The following ACSBG1 variants were observed in gnomAD, a reference collection of about 807,000 sequenced individuals.
ACSBG1 encodes acyl-CoA synthetase bubblegum family member 1.
ACSBG1 carries 39 observed loss-of-function variants against 80.2 expected under a neutral mutation model. The observed-to-expected ratio is 0.49, with a 90% confidence interval of 0.38 to 0.64. ACSBG1 has a LOEUF of 0.64. Among genes scored for constraint, ACSBG1 ranks in the 30% least tolerant of loss-of-function variants. ACSBG1 has a pLI of 0.00. For synonymous variants in ACSBG1, 392 were observed against 379.5 expected, an observed-to-expected ratio of 1.03 and a Z score of -0.38; for missense variants, 828 against 966.4, an observed-to-expected ratio of 0.86 and a Z score of 1.90.
intron 1 of ACSBG1, among the ~76,000 whole-genome samples, chr15:78,222,820 C>T (rs1453002554): frequency 6.6e-6 from 1 of 151,774 alleles, no homozygotes; most frequent in Non-Finnish European, 1.5e-5. Flanking sequence ...TTTTAAAGTA[C>T]TGAAATAAGT....
At chr15:78,215,724 G>GAAAGAGAA (rs942679171) in intron 1 of ACSBG1, among the ~76,000 whole-genome samples, 1 of 116,554 alleles carries the variant, frequency 8.6e-6, no homozygotes, top group Non-Finnish European at 1.8e-5. Context: ...AAGAAAGAAA[G>GAAAGAGAA]AGAAAGAAAG....
At chr15:78,226,647 G>T in intron 1 of ACSBG1, 1 of 189,224 alleles carries the variant, frequency 5.3e-6, no homozygotes, top group South Asian at 8.2e-5. Flanking sequence ...ATAGAATGAA[G>T]ACAGCATGAT....
chr15:78,187,453 G>A (rs1288001270), intron 5 of ACSBG1, among the ~76,000 whole-genome samples: 1 of 152,128 alleles, frequency 6.6e-6, no homozygotes, highest in African/African-American at 2.4e-5. Context: ...AAATCCAGCA[G>A]CACATCAAAA....
intron 1 of ACSBG1, among the ~76,000 whole-genome samples, chr15:78,229,931 C>G (rs945310118): frequency 6.6e-6 from 1 of 152,166 alleles, no homozygotes; most frequent in Non-Finnish European, 1.5e-5. Context: ...CATGGCCACC[C>G]GTAACATCTT....
chr15:78,224,707 C>T lies in ACSBG1; in HGVS notation c.131+9664G>A, dbSNP rs570994208. On this transcript the variant is annotated intron_variant, in intron 1 of 13. Transcript: ENST00000258873. ...CTGCACTCCAGCCTGGGCGACAGAG[C>T]GAGACTCCGCCTCAAAAAAAAAAGA... is the stretch of plus-strand genomic sequence containing the variant. Among the ~76,000 whole-genome samples, 31 of 149,876 alleles carry T rather than the reference C, an allele frequency of 2.1e-4. No individual in the cohort carries two copies. In the East Asian group the frequency reaches 3.5e-3, roughly 17 times the overall value.
At position 78,178,551 on chromosome 15, in the gene ACSBG1, C is replaced by T; in HGVS notation, c.1702+63G>A. The T allele has an allele frequency of 6.5e-7, 1 of 1,531,032 alleles. No individual in the cohort carries two copies. The highest frequency in any genetic ancestry group is 8.8e-7 in the Non-Finnish European group (1 of 1,140,516). The allele number at this position is 1,531,032 out of a possible 1,614,324, so 94.8% of individuals were successfully genotyped here. On this transcript the variant is annotated intron_variant, in intron 11 of 13. Coordinates refer to ENST00000258873, the MANE Select transcript of ACSBG1 (RefSeq NM_015162.5). This position sits in a 1 kb window ranked among gnomAD's most constrained non-coding sequence, Gnocchi z 4.3. ...TCCTGAGCTCAGACAATCTGCCCGC[C>T]TTGGCCTCCCAAAGTGCTGGGATTA...
At chr15:78,184,901 C>A (rs1315147938) in intron 5 of ACSBG1, among the ~76,000 whole-genome samples, 1 of 152,164 alleles carries the variant, frequency 6.6e-6, no homozygotes, top group African/African-American at 2.4e-5. Context: ...CTACAGACAG[C>A]TCAGGACTGA....
At position 78,179,627 on chromosome 15, in the gene ACSBG1, G is replaced by A; in HGVS notation, c.1407C>T (p.Arg469=). The A allele has an allele frequency of 7.4e-6, 12 of 1,614,204 alleles. No homozygotes were observed. Among genetic ancestry groups the A allele is most frequent in the Non-Finnish European group, 1.0e-5 (12 of 1,180,034 alleles). Reference sequence around the variant, plus strand: ...CACTGAGGCCGTAGCCCGCATACAAGCGGATGTTGAGACCCAGGAAGAAGT... The same window carrying A: ...CACTGAGGCCGTAGCCCGCATACAAACGGATGTTGAGACCCAGGAAGAAGT... The part of the protein sequence containing the change: ...TQHFFLGLNI[R]LYAGYGLSET... The change falls in exon 10 of 14, where the codon CGC becomes CGT. Residue 469 remains arginine, a synonymous_variant. Coordinates refer to ENST00000258873, the MANE Select transcript of ACSBG1 (RefSeq NM_015162.5).
chr15:78,199,556 A>T (rs916715404), intron 2 of ACSBG1, among the ~76,000 whole-genome samples: 4 of 152,022 alleles, frequency 2.6e-5, no homozygotes, highest in African/African-American at 4.8e-5. Flanking sequence ...ACAAAAATTT[A>T]TCCAGGTGTG....
chr15:78,194,669 C>G lies in ACSBG1; in HGVS notation c.290G>C (p.Ser97Thr), dbSNP rs906930753. 6.2e-7 allele frequency: 1 copy of G among 1,614,078 alleles called. No homozygotes were observed. Among genetic ancestry groups the G allele is most frequent in the Non-Finnish European group, 8.5e-7 (1 of 1,180,004 alleles). Residue 97 changes from serine to threonine, a missense_variant, in exon 3 of 14, where the codon AGC becomes ACC. Around this residue, in one of 3 missense-constraint regions of ACSBG1, gnomAD observed 356 missense variants for 363.5 expected, o/e 0.98. Coordinates refer to ENST00000258873, the MANE Select transcript of ACSBG1 (RefSeq NM_015162.5). ...CACAGTGTAGGGAAGCTGTGGGCAG[C>G]TGGGGTCTATGCGCAGGCGCACCCG... ...DGRVRLRIDP[S>T]CPQLPYTVHR...
intron 1 of ACSBG1, among the ~76,000 whole-genome samples, chr15:78,229,219 G>C (rs1259189953): frequency 6.6e-6 from 1 of 152,108 alleles, no homozygotes; most frequent in Non-Finnish European, 1.5e-5. Context: ...TCAGTGCTTA[G>C]CGCAATGCCT....
chr15:78,174,358 T>C, intron 12 of ACSBG1, 27 bp downstream of exon 12: 1 of 1,614,094 alleles, frequency 6.2e-7, no homozygotes, highest in Non-Finnish European at 8.5e-7. Context: ...TGGCTGCTCC[T>C]TCTGAGCTGG....
intron 1 of ACSBG1, among the ~76,000 whole-genome samples, chr15:78,230,373 G>C (rs1319767313): frequency 6.6e-6 from 1 of 152,138 alleles, no homozygotes; most frequent in Non-Finnish European, 1.5e-5. Flanking sequence ...AGCCCTCCTC[G>C]GGCTCTCAGC....
In ACSBG1 at chr15:78,181,971, T is replaced by C. The variant is rs772027858; in HGVS notation, c.1069A>G (p.Lys357Glu). The part of the protein sequence containing the change: ...QVCFAEPDAL[K>E]GSLVNTLREV... Reference sequence around the variant, plus strand: ...ACACACGGTAAAGGCAGACTGACCTTCAGGGCGTCGGGTTCGGCAAAGCAA... The same window carrying C: ...ACACACGGTAAAGGCAGACTGACCTCCAGGGCGTCGGGTTCGGCAAAGCAA... The change falls in exon 8 of 14, where the codon AAG (lysine) becomes GAG (glutamate). Residue 357 changes from lysine (K) to glutamate (E), a missense_variant and splice_region_variant. By Grantham distance (56) the Lys-to-Glu change is moderately conservative. Transcript: ENST00000258873. 25 of 1,613,466 alleles carry C rather than the reference T, an allele frequency of 1.5e-5. No homozygotes were observed. Among genetic ancestry groups the C allele is most frequent in the Middle Eastern group, 1.6e-4 (1 of 6,082 alleles).
At chr15:78,224,528 G>A (rs1248551579) in intron 1 of ACSBG1, among the ~76,000 whole-genome samples, 1 of 151,960 alleles carries the variant, frequency 6.6e-6, no homozygotes, top group Non-Finnish European at 1.5e-5. Flanking sequence ...GGCCACCCTG[G>A]CTAACACGGT....
At chr15:78,214,146 C>T (rs1054321481) in intron 1 of ACSBG1, among the ~76,000 whole-genome samples, 3 of 152,164 alleles carry the variant, frequency 2.0e-5, no homozygotes, top group Non-Finnish European at 2.9e-5. Context: ...TTCTAATACC[C>T]CCTCCACCCT....
rs1224199195 is a variant in ACSBG1, at chr15:78,177,446, T to C, written c.1702+1168A>G. On this transcript the variant is annotated intron_variant, in intron 11 of 13. Transcript: ENST00000258873. The surrounding 1 kb of genome is among the most constrained non-coding windows in gnomAD (Gnocchi z 4.1). The stretch of plus-strand genomic sequence containing the variant: ...AGCTATTTGGACCCTTACCTCTCAC[T>C]ATACTAGTTCTAAAAGGAGGGCCGG... Among the ~76,000 whole-genome samples, 3 of 152,222 alleles carry C rather than the reference T, an allele frequency of 2.0e-5. No homozygotes were observed. The highest frequency in any genetic ancestry group is 4.4e-5 in the Non-Finnish European group (3 of 68,036).
chr15:78,216,873 C>T (rs1240315947), intron 1 of ACSBG1, among the ~76,000 whole-genome samples: 10 of 152,244 alleles, frequency 6.6e-5, no homozygotes, highest in Non-Finnish European at 1.2e-4. Context: ...ACATCAAGTT[C>T]CACTCCAAAG....
chr15:78,215,635 A>G (rs530416986), intron 1 of ACSBG1, among the ~76,000 whole-genome samples: 99 of 152,058 alleles, frequency 6.5e-4, no homozygotes, highest in Admixed American at 1.2e-3. Context: ...CAGCCTGGGC[A>G]ACAAGAGCAA....
Sources: allele counts gnomAD v4.1 joint callset (sites outside exome capture counted in the v4.1 genomes callset), GRCh38; gene constraint gnomAD v4.1.1; regional missense constraint gnomAD v4.1.1; non-coding constraint Gnocchi (gnomAD v3.1); transcripts MANE v1.5; gene names NCBI Gene and HGNC (gene_info 2026-07-23, HGNC 2026-07-21).